The following ACOT11 variants were observed in gnomAD, a reference collection of about 807,000 sequenced individuals.
ACOT11 encodes acyl-coenzyme A thioesterase 11.
In ACOT11, 69 loss-of-function variants were observed where a neutral mutation model predicts 77.5. The ratio of observed to expected loss-of-function variants is 0.89; its 90% CI spans 0.73 to 1.09. The LOEUF (loss-of-function observed/expected upper bound fraction) is 1.09. Ranked by LOEUF, ACOT11 falls within the 50% of genes least tolerant of loss-of-function variation. The pLI is 0.00. For missense variants in ACOT11, 766 were observed against 813.7 expected, an observed-to-expected ratio of 0.94 and a Z score of 0.71; for synonymous variants, 279 against 313.0, an observed-to-expected ratio of 0.89 and a Z score of 1.15.
chr1:54,588,473 C>CAGCT (rs1654584079), intron 3 of ACOT11, among the ~76,000 whole-genome samples: 1 of 152,096 alleles, frequency 6.6e-6, no homozygotes, highest in Non-Finnish European at 1.5e-5. Context: ...GAAGGTGGTA[C>CAGCT]AGCTAATGGA....
chr1:54,611,412 A>G (rs1644116841), downstream of ACOT11, among the ~76,000 whole-genome samples: 1 of 152,112 alleles, frequency 6.6e-6, no homozygotes, highest in South Asian at 2.1e-4. Flanking sequence ...AAAAATAAAT[A>G]AATAAAAATA....
intron 1 of ACOT11, among the ~76,000 whole-genome samples, chr1:54,578,434 G>T (rs139553230): frequency 6.6e-6 from 1 of 152,102 alleles, no homozygotes; most frequent in Non-Finnish European, 1.5e-5. Flanking sequence ...GACTGACCAC[G>T]CCAGCACTAT....
Position 54,609,911 on chromosome 1 carries a change from C to G in ACOT11, c.*799C>G. 6.2e-7 allele frequency: 1 copy of G among 1,609,180 alleles called. No homozygotes were observed. The highest frequency in any genetic ancestry group is 8.5e-7 in the Non-Finnish European group (1 of 1,179,788). On this transcript the variant is annotated 3_prime_UTR_variant, in exon 16 of 16. Coordinates refer to ENST00000343744, the MANE Select transcript of ACOT11 (RefSeq NM_147161.4). ...GTTTTCAGCCACAGTTCCCTCGAGG[C>G]CAGTGTTCAGCAGGATCATGCCTTC...
At chr1:54,608,448 A>G (rs1032803505) in intron 15 of ACOT11, among the ~76,000 whole-genome samples, 1 of 152,046 alleles carries the variant, frequency 6.6e-6, no homozygotes, top group Non-Finnish European at 1.5e-5. Flanking sequence ...GAGGAGGCTG[A>G]GGGAAAGCGA....
chr1:54,610,172 G>C lies in ACOT11; in HGVS notation c.*1060G>C. The C allele has an allele frequency of 4.2e-6, 6 of 1,432,978 alleles. No individual in the cohort carries two copies. Among genetic ancestry groups the C allele is most frequent in the Non-Finnish European group, 5.5e-6 (6 of 1,099,222 alleles). 88.8% of individuals were successfully genotyped at this position (1,432,978 alleles called of 1,614,324 possible). On this transcript the variant is annotated 3_prime_UTR_variant, in exon 16 of 16. Transcript: ENST00000343744. ...CCTTTACCCATGACTCAGCCTGGGG[G>C]CTGGTGCCGGCCTTGCCTGCAGCAA... is the stretch of plus-strand genomic sequence containing the variant.
chr1:54,549,499 A>C (rs1294928381), intron 1 of ACOT11, among the ~76,000 whole-genome samples: 2 of 152,028 alleles, frequency 1.3e-5, no homozygotes, highest in Non-Finnish European at 2.9e-5. Flanking sequence ...CATCTCCCCA[A>C]ACTTGTGTCC....
chr1:54,610,462 A>G, downstream of ACOT11: 1 of 1,613,190 alleles, frequency 6.2e-7, no homozygotes, highest in Non-Finnish European at 8.5e-7. Context: ...GTCAGGAACC[A>G]GCCACTCCAC....
Position 54,609,720 on chromosome 1 carries a change from G to A in ACOT11, c.*608G>A, listed in dbSNP as rs1644092167. On this transcript the variant is annotated 3_prime_UTR_variant, in exon 16 of 16. Transcript: ENST00000343744. ...CCAACCCACACAGGCCAATGCAAGA[G>A]GCCAAGGCTGGAGAGGCGTGCCAGC... 3 of 1,614,142 alleles carry A rather than the reference G, an allele frequency of 1.9e-6. No individual in the cohort carries two copies. Among genetic ancestry groups the A allele is most frequent in the Non-Finnish European group, 2.5e-6 (3 of 1,180,016 alleles).
chr1:54,585,706 A>G, intron 2 of ACOT11, 129 bp from the exon 3 acceptor site: 1 of 794,634 alleles, frequency 1.3e-6, no homozygotes, highest in East Asian at 2.7e-5. Flanking sequence ...GAATGGTGGC[A>G]GCAGGGTGTG....
downstream of ACOT11, chr1:54,610,489 C>T: frequency 4.7e-6 from 7 of 1,502,324 alleles, no homozygotes; most frequent in Non-Finnish European, 6.4e-6. Flanking sequence ...ACCGTCATCC[C>T]CAGGCAGCTG....
intron 15 of ACOT11, chr1:54,619,842 C>G (rs1427033866): frequency 6.2e-7 from 1 of 1,612,332 alleles, no homozygotes; most frequent in Non-Finnish European, 8.5e-7. Context: ...TGGCCTGCCT[C>G]AGTCTTGGCA....
intron 1 of ACOT11, among the ~76,000 whole-genome samples, chr1:54,561,740 C>T (rs1268755565): frequency 4.7e-5 from 6 of 128,396 alleles, no homozygotes; most frequent in Admixed American, 4.2e-4. Context: ...GGGCTGACCC[C>T]CCCCACCTCC....
Position 54,608,079 on chromosome 1 carries a change from T to TC in ACOT11, c.1629+17dup, listed in dbSNP as rs758644108. 1.1e-5 allele frequency: 17 copies of TC among 1,603,310 alleles called. No individual in the cohort carries two copies. Among genetic ancestry groups the TC allele is most frequent in the African/African-American group, 2.7e-5 (2 of 73,902 alleles). ...GACCAGCTGACCAAGGTGAGGCCGG[T>TC]CCCCCCAACCACGCCCCCAGCCTGG... is the stretch of plus-strand genomic sequence containing the variant. On this transcript the variant is annotated intron_variant, in intron 15 of 15. Coordinates refer to ENST00000343744, the MANE Select transcript of ACOT11 (RefSeq NM_147161.4).
At chr1:54,601,515 A>C in intron 9 of ACOT11, 102 bp downstream of exon 9, 2 of 1,506,456 alleles carry the variant, frequency 1.3e-6, no homozygotes, top group Non-Finnish European at 1.8e-6. Context: ...TAGAGGCGTG[A>C]GGGGCCCACC....
intron 1 of ACOT11, among the ~76,000 whole-genome samples, chr1:54,554,024 A>T (rs966501330): frequency 1.3e-5 from 2 of 151,920 alleles, no homozygotes; most frequent in Admixed American, 6.6e-5. Flanking sequence ...AACCACAAAA[A>T]TTGCCAGGTG....
At chr1:54,618,495 A>C (rs1644197666) in intron 15 of ACOT11, among the ~76,000 whole-genome samples, 1 of 152,154 alleles carries the variant, frequency 6.6e-6, no homozygotes, top group African/African-American at 2.4e-5. Flanking sequence ...ACAGAGCAAG[A>C]TCCTGTCTCA....
chr1:54,617,348 CCT>C (rs1158000463), intron 15 of ACOT11, among the ~76,000 whole-genome samples: 15 of 152,166 alleles, frequency 9.9e-5, no homozygotes, highest in African/African-American at 3.4e-4. Context: ...CTGCTTTCTC[CCT>C]GACTCCTGAC....
chr1:54,559,469 G>A (rs1653391349), intron 1 of ACOT11, among the ~76,000 whole-genome samples: 1 of 152,244 alleles, frequency 6.6e-6, no homozygotes, highest in Non-Finnish European at 1.5e-5. Context: ...CCTCACCTCT[G>A]TGGGCATCAG....
At chr1:54,611,854 C>T (rs2101015069), downstream of ACOT11, 2 of 1,306,450 alleles carry the variant, frequency 1.5e-6, no homozygotes, top group East Asian at 2.4e-5. Flanking sequence ...GAGCATCTGT[C>T]CTCCAGTCGC....
Sources: gnomAD v4.1 joint callset for allele counts (sites outside exome capture counted in the v4.1 genomes callset) on GRCh38, gnomAD v4.1.1 for gene constraint, MANE v1.5 for transcripts, NCBI Gene and HGNC (gene_info 2026-07-23, HGNC 2026-07-21) for gene names.